DNAI2: variants seen among roughly 807,000 people sequenced by gnomAD.
The protein encoded by DNAI2 is dynein axonemal intermediate chain 2, also known as dynein, axonemal, intermediate polypeptide 2.
DNAI2 carries 63 observed loss-of-function variants against 74.7 expected under a neutral mutation model. That is an observed-to-expected ratio of 0.84 (90% CI 0.69 to 1.04). The LOEUF (loss-of-function observed/expected upper bound fraction) is 1.04. Among genes scored for constraint, DNAI2 ranks in the 50% least tolerant of loss-of-function variants. The probability of loss-of-function intolerance (pLI) is 0.00; values close to 1 mark genes in which losing one functional copy is unlikely to be tolerated. For missense variants in DNAI2, 688 were observed against 803.2 expected, an observed-to-expected ratio of 0.86 and a Z score of 1.73; for synonymous variants, 289 against 314.9, an observed-to-expected ratio of 0.92 and a Z score of 0.87.
intron 4 of DNAI2, among the ~76,000 whole-genome samples, chr17:74,289,313 G>T (rs1375901987): frequency 1.3e-5 from 2 of 152,178 alleles, no homozygotes; most frequent in East Asian, 3.8e-4. Flanking sequence ...TATCATCTGA[G>T]GTCACGAGTT....
intron 2 of DNAI2, among the ~76,000 whole-genome samples, chr17:74,284,570 GC>G (rs1183117280): frequency 6.6e-6 from 1 of 151,890 alleles, no homozygotes; most frequent in African/African-American, 2.4e-5. Flanking sequence ...CCACCACCAC[GC>G]CCGGCTAATG....
intron 4 of DNAI2, 60 bp downstream of exon 4, chr17:74,287,158 T>C: frequency 4.4e-6 from 7 of 1,601,442 alleles, no homozygotes; most frequent in Non-Finnish European, 5.1e-6. Context: ...CATGGGCGCC[T>C]CCAAAGGCAA....
intron 1 of DNAI2, among the ~76,000 whole-genome samples, chr17:74,280,356 T>A (rs1598265586): frequency 6.6e-6 from 1 of 152,114 alleles, no homozygotes; most frequent in East Asian, 1.9e-4. Context: ...CCTGCCTAGG[T>A]CACGCAGCTG....
At chr17:74,275,764 C>A (rs2051034049) in intron 1 of DNAI2, among the ~76,000 whole-genome samples, 1 of 151,926 alleles carries the variant, frequency 6.6e-6, no homozygotes, top group Non-Finnish European at 1.5e-5. Context: ...GTGGCATGCA[C>A]CAGTAGTCTC....
In DNAI2 at chr17:74,312,095, T is replaced by G. The variant is rs2053560193; in HGVS notation, c.1587T>G (p.Asp529Glu). The G allele has an allele frequency of 6.2e-7, 1 of 1,613,202 alleles. No homozygotes were observed. Among genetic ancestry groups the G allele is most frequent in the Non-Finnish European group, 8.5e-7 (1 of 1,179,906 alleles). ...AGAAGGGTAAGGCGGAGGGCAGGGA[T>G]GAGGAGCAGACCGATGAGGAGCTGG... ...LKEKGKAEGRDEEQTDEELAV... is the reference protein window; with the variant it reads ...LKEKGKAEGREEEQTDEELAV... The change falls in exon 12 of 14, where the codon GAT becomes GAG. Residue 529 changes from aspartate to glutamate, a missense_variant. Transcript: ENST00000311014.
At position 74,293,985 on chromosome 17, in the gene DNAI2, G is replaced by A. The variant is rs147648047; in HGVS notation, c.724+2852G>A. On this transcript the variant is annotated intron_variant, in intron 6 of 13. Coordinates refer to ENST00000311014, the MANE Select transcript of DNAI2 (RefSeq NM_023036.6). ...TTTTGGAGAGATGAGGTTTTACCAT[G>A]TTGGCCAGGCTGATCTCGAACTCCT... Among the ~76,000 whole-genome samples, 842 of 151,776 alleles carry A rather than the reference G, an allele frequency of 5.5e-3. 11 individuals are homozygous for A. The highest frequency in any genetic ancestry group is 0.019 in the African/African-American group (785 of 41,434).
intron 8 of DNAI2, 74 bp from the exon 9 acceptor site, chr17:74,305,145 C>G: frequency 6.6e-7 from 1 of 1,523,088 alleles, no homozygotes; most frequent in Non-Finnish European, 9.1e-7. Flanking sequence ...CCCAAGCAAG[C>G]TCCTGTCCAT....
rs1385898478 is a variant in DNAI2 at position 74,286,973 on chromosome 17, C to T, written c.346-4C>T. On this transcript the variant is annotated splice_region_variant and splice_polypyrimidine_tract_variant and intron_variant, in intron 3 of 13. Coordinates refer to ENST00000311014, the MANE Select transcript of DNAI2 (RefSeq NM_023036.6). ...GCGGAGAACTTCCAATGTGTCCCCCCTAGATCATGGAGCACTGCATCAAGC... is the reference window on the plus strand; with the variant it reads ...GCGGAGAACTTCCAATGTGTCCCCCTTAGATCATGGAGCACTGCATCAAGC... The T allele has an allele frequency of 6.2e-7, 1 of 1,613,646 alleles. No homozygotes were observed. Among genetic ancestry groups the T allele is most frequent in the Non-Finnish European group, 8.5e-7 (1 of 1,179,770 alleles).
chr17:74,312,254 G>T (rs761844591), intron 12 of DNAI2, 24 bp downstream of exon 12: 2 of 565,864 alleles, frequency 3.5e-6, no homozygotes, highest in Admixed American at 2.3e-5. Flanking sequence ...CAGGGGTTGG[G>T]TGGGTTGGGG....
chr17:74,293,858 A>G (rs942720084), intron 6 of DNAI2, among the ~76,000 whole-genome samples: 1 of 151,828 alleles, frequency 6.6e-6, no homozygotes, highest in Non-Finnish European at 1.5e-5. Flanking sequence ...ATCTCGGCTC[A>G]CTGCAACCTC....
intron 12 of DNAI2, among the ~76,000 whole-genome samples, chr17:74,312,830 C>A (rs565701361): frequency 4.8e-4 from 73 of 152,320 alleles, no homozygotes; most frequent in South Asian, 1.4e-3. Flanking sequence ...ATCTTCCAGG[C>A]CCTCTTTTGT....
rs1419981414 is a variant in DNAI2, at chr17:74,276,774, G to A, written c.-12+2429G>A. Among the ~76,000 whole-genome samples the A allele has an allele frequency of 2.6e-5, 4 of 152,150 alleles. No homozygotes were observed. In the South Asian group the frequency reaches 8.3e-4, roughly 32 times the overall value. On this transcript the variant is annotated intron_variant, in intron 1 of 13. Coordinates refer to ENST00000311014, the MANE Select transcript of DNAI2 (RefSeq NM_023036.6). The stretch of plus-strand genomic sequence containing the variant: ...TAAAGAGGCTATTTCTGTCTTCCTG[G>A]AGTTTCCTCATTCTCTTCAATCTCC...
At chr17:74,289,816 C>T (rs2051977126) in intron 5 of DNAI2, 80 bp downstream of exon 5, 1 of 1,589,344 alleles carries the variant, frequency 6.3e-7, no homozygotes, top group East Asian at 2.2e-5. Context: ...GAGGGAGGGG[C>T]AGGAGGTCAA....
chr17:74,311,980 T>C (rs753622026), intron 11 of DNAI2, 23 bp from the exon 12 acceptor site: 5 of 1,609,794 alleles, frequency 3.1e-6, no homozygotes, highest in Non-Finnish European at 4.2e-6. Flanking sequence ...CCCACCGGGC[T>C]CTCTCTGTCC....
chr17:74,291,565 C>G (rs1208701331), intron 6 of DNAI2, among the ~76,000 whole-genome samples: 1 of 152,224 alleles, frequency 6.6e-6, no homozygotes, highest in Non-Finnish European at 1.5e-5. Context: ...TGAGGGCCTC[C>G]CATAGCTGAC....
In DNAI2 at chr17:74,300,926, G is replaced by A. The variant is rs2052723824; in HGVS notation, c.865-120G>A. The A allele has an allele frequency of 7.9e-6, 11 of 1,395,340 alleles. No homozygotes were observed. Among genetic ancestry groups the A allele is most frequent in the Non-Finnish European group, 1.1e-5 (11 of 997,078 alleles). 86.4% of individuals were successfully genotyped at this position (1,395,340 alleles called of 1,614,324 possible). ...GTGTATTTGCTCCCACGAATTGCCGGGAGCTCCATCCTTTGTGGCCCAGTG... is the reference window on the plus strand; with the variant it reads ...GTGTATTTGCTCCCACGAATTGCCGAGAGCTCCATCCTTTGTGGCCCAGTG... On this transcript the variant is annotated intron_variant, in intron 7 of 13. Transcript: ENST00000311014. This position sits in a 1 kb window ranked among gnomAD's most constrained non-coding sequence, Gnocchi z 4.5.
chr17:74,301,057 G>A lies in DNAI2; in HGVS notation c.876G>A (p.Trp292Ter), dbSNP rs1060502202. Residue 292 changes from tryptophan (W) to a stop codon, truncating the protein, a stop_gained, in exon 8 of 14, where the codon TGG becomes TGA. Transcript: ENST00000311014. LOFTEE classifies it high-confidence loss of function. ...SASTDGQVMW[W>*]DIRKMSEPTE... The stretch of plus-strand genomic sequence containing the variant: ...CCTCCTCCCACCAGGTCATGTGGTG[G>A]GACATCCGAAAGATGAGCGAGCCCA... The A allele has an allele frequency of 1.2e-6, 2 of 1,613,990 alleles. No homozygotes were observed. The highest frequency in any genetic ancestry group is 1.7e-6 in the Non-Finnish European group (2 of 1,179,928).
intron 5 of DNAI2, among the ~76,000 whole-genome samples, chr17:74,290,554 T>C (rs1263006886): frequency 6.6e-6 from 1 of 152,120 alleles, no homozygotes; most frequent in African/African-American, 2.4e-5. Flanking sequence ...TCAGCATTAT[T>C]AAAATAAACA....
At chr17:74,283,778 G>T (rs890518193) in intron 2 of DNAI2, among the ~76,000 whole-genome samples, 1 of 151,824 alleles carries the variant, frequency 6.6e-6, no homozygotes, top group Non-Finnish European at 1.5e-5. Flanking sequence ...CACGTGTGGT[G>T]GTACATGCCT....
Sources: gnomAD v4.1 joint callset for allele counts (sites outside exome capture counted in the v4.1 genomes callset) on GRCh38, gnomAD v4.1.1 for gene constraint, Gnocchi (gnomAD v3.1) non-coding constraint, MANE v1.5 for transcripts, NCBI Gene and HGNC (gene_info 2026-07-23, HGNC 2026-07-21) for gene names.